ZMYM2: variants seen among roughly 807,000 people sequenced by gnomAD.
ZMYM2 encodes the protein zinc finger MYM-type containing 2, also known as zinc finger MYM-type protein 2.
Under a neutral mutation model 162.8 loss-of-function variants are expected in ZMYM2, and 56 were observed. The ratio of observed to expected loss-of-function variants is 0.34; its 90% CI spans 0.28 to 0.43. The LOEUF is 0.43. Among genes scored for constraint, ZMYM2 ranks in the 20% least tolerant of loss-of-function variants. The probability of loss-of-function intolerance (pLI) is 1.00; values close to 1 mark genes in which losing one functional copy is unlikely to be tolerated. For missense variants in ZMYM2, 1,275 were observed against 1,621.8 expected (o/e 0.79, Z 3.67); for synonymous variants, 510 against 541.6 (o/e 0.94, Z 0.81).
Position 20,052,381 on chromosome 13 carries a change from T to C in ZMYM2, c.2493+70T>C. On this transcript the variant is annotated intron_variant, in intron 14 of 24. Transcript: ENST00000610343. ...ATGGGGTAAAAAATAATTAGGCCAA[T>C]TTAATGTGATCATAATAGTAATTTT... 2.1e-6 allele frequency: 3 copies of C among 1,416,562 alleles called. No individual in the cohort carries two copies. In the African/African-American group the frequency reaches 4.4e-5, roughly 21 times the overall value. The allele number at this position is 1,416,562 out of a possible 1,614,324, so 87.7% of individuals were successfully genotyped here.
chr13:20,029,620 T>C (rs1398844788), intron 9 of ZMYM2, among the ~76,000 whole-genome samples: 1 of 152,202 alleles, frequency 6.6e-6, no homozygotes, highest in Non-Finnish European at 1.5e-5. Context: ...TTTTTCTCCT[T>C]CCGCTGTACA....
At position 20,065,180 on chromosome 13, in the gene ZMYM2, C is replaced by T. The variant is rs140889780; in HGVS notation, c.3132+635C>T. ...CAACATAAAGCAGGTTTTAAAAATA[C>T]CTTAAGAAAGATAGCTTTCACAAAT... On this transcript the variant is annotated intron_variant, in intron 19 of 24. Coordinates refer to ENST00000610343, the MANE Select transcript of ZMYM2 (RefSeq NM_197968.4). Among the ~76,000 whole-genome samples the T allele has an allele frequency of 2.3e-4, 35 of 151,960 alleles. 1 individual carries two copies. Among genetic ancestry groups the T allele is most frequent in the African/African-American group, 7.0e-4 (29 of 41,436 alleles).
chr13:19,895,094 A>AT, the ZMYM2 span, among the ~76,000 whole-genome samples: 1 of 150,972 alleles, frequency 6.6e-6, no homozygotes, highest in Non-Finnish European at 1.5e-5. Context: ...AAAAAAAAAA[A>AT]AAAGAAAATT....
At chr13:19,933,211 A>G in the ZMYM2 span, among the ~76,000 whole-genome samples, 8 of 152,178 alleles carry the variant, frequency 5.3e-5, no homozygotes, top group Non-Finnish European at 2.9e-5. Context: ...ATTGGCCTCC[A>G]AAGTGCTGGG....
the ZMYM2 span, among the ~76,000 whole-genome samples, chr13:19,908,356 T>C: frequency 6.6e-6 from 1 of 151,072 alleles, no homozygotes; most frequent in South Asian, 2.1e-4. Flanking sequence ...GGAGTCCCTC[T>C]TACTAGGGAG....
chr13:19,894,812 C>T, the ZMYM2 span, among the ~76,000 whole-genome samples: 15,571 of 151,690 alleles, frequency 0.1, 1,030 homozygotes, highest in Middle Eastern at 0.14. Context: ...AATTTTAGGA[C>T]GGACGCAGTG....
At chr13:19,945,145 G>A in the ZMYM2 span, among the ~76,000 whole-genome samples, 5 of 151,960 alleles carry the variant, frequency 3.3e-5, no homozygotes, top group African/African-American at 4.8e-5. Context: ...CAAATCAATC[G>A]TTATTTATTT....
At chr13:19,971,244 G>GTGTGTGTATATATATATATATATATATA (rs5802035) in intron 2 of ZMYM2, among the ~76,000 whole-genome samples, 5 of 50,122 alleles carry the variant, frequency 1.0e-4, no homozygotes, top group Non-Finnish European at 1.2e-4. Flanking sequence ...GTGTGTGTGT[G>GTGTGTGTATATATATATATATATATATA]TATATATATA....
intron 21 of ZMYM2, among the ~76,000 whole-genome samples, chr13:20,078,120 G>C (rs1206085198): frequency 6.6e-6 from 1 of 151,920 alleles, no homozygotes; most frequent in African/African-American, 2.4e-5. Flanking sequence ...CACCTGGCCA[G>C]TTTTAAGTAT....
the ZMYM2 span, among the ~76,000 whole-genome samples, chr13:19,930,880 C>T: frequency 4.0e-5 from 6 of 151,290 alleles, no homozygotes; most frequent in East Asian, 1.2e-3. Flanking sequence ...TGGCTCATGC[C>T]TGTAATCCCA....
intron 2 of ZMYM2, among the ~76,000 whole-genome samples, chr13:19,961,230 C>T (rs1955176706): frequency 6.6e-6 from 1 of 151,892 alleles, no homozygotes; most frequent in Admixed American, 6.6e-5. Context: ...TACGTGCCCA[C>T]ACTAGTTTTT....
chr13:19,982,719 A>T (rs1957463308), intron 2 of ZMYM2, among the ~76,000 whole-genome samples: 2 of 152,186 alleles, frequency 1.3e-5, no homozygotes, highest in Non-Finnish European at 2.9e-5. Flanking sequence ...GTTGATGAAG[A>T]TAGTTCCTAC....
chr13:19,999,189 A>G (rs893070682), intron 3 of ZMYM2, among the ~76,000 whole-genome samples: 1 of 152,222 alleles, frequency 6.6e-6, no homozygotes, highest in Non-Finnish European at 1.5e-5. Flanking sequence ...TGGATTGGTC[A>G]GTACAGGCAT....
rs531473914 is a variant in ZMYM2 at position 20,030,560 on chromosome 13, A to G, written c.1852-759A>G. ...ACTACAGGCACCTGCCACCACCCCC[A>G]GCTAATTTTTTGTATTTTTAGTAGA... is the stretch of plus-strand genomic sequence containing the variant. On this transcript the variant is annotated intron_variant, in intron 9 of 24. Coordinates refer to ENST00000610343, the MANE Select transcript of ZMYM2 (RefSeq NM_197968.4). Among the ~76,000 whole-genome samples the G allele has an allele frequency of 8.6e-5, 13 of 151,944 alleles. No homozygotes were observed. The South Asian group carries it at 1.0e-3, about 12-fold the overall frequency.
chr13:19,915,661 G>A, the ZMYM2 span, among the ~76,000 whole-genome samples: 1 of 149,524 alleles, frequency 6.7e-6, no homozygotes, highest in Non-Finnish European at 1.5e-5. Flanking sequence ...CCACCACCAC[G>A]CCCAGCTAAT....
chr13:19,864,829 G>C, the ZMYM2 span: 1 of 151,432 alleles, frequency 6.6e-6, no homozygotes, highest in Non-Finnish European at 1.5e-5. Flanking sequence ...CCACCTCCAC[G>C]AGGGGTCTTC....
intron 12 of ZMYM2, among the ~76,000 whole-genome samples, chr13:20,037,184 T>A (rs1489657363): frequency 6.6e-6 from 1 of 151,836 alleles, no homozygotes; most frequent in Non-Finnish European, 1.5e-5. Flanking sequence ...TTTTCTAAAA[T>A]TTGTTGTGTC....
chr13:20,067,315 C>T lies in ZMYM2; in HGVS notation c.3378C>T (p.Val1126=), dbSNP rs367583188. The T allele has an allele frequency of 1.2e-5, 20 of 1,606,618 alleles. No individual in the cohort carries two copies. The African/African-American group carries it at 2.5e-4, about 20-fold the overall frequency. Residue 1126 remains valine, a synonymous_variant, in exon 21 of 25, where the codon GTC becomes GTT. Transcript: ENST00000610343. ...AELNYGLAHF[V]NEIRRPNGEN... is the part of the protein sequence containing the mutation. ...TTAACTATGGGTTAGCTCATTTTGT[C>T]AATGAGATCCGACGGCCAAATGGAG...
chr13:20,023,692 A>G (rs1236013075), intron 7 of ZMYM2, among the ~76,000 whole-genome samples: 3 of 152,224 alleles, frequency 2.0e-5, no homozygotes, highest in Non-Finnish European at 4.4e-5. Flanking sequence ...TTTATTCCAC[A>G]AAACTTTACA....
Sources: allele counts gnomAD v4.1 joint callset (sites outside exome capture counted in the v4.1 genomes callset), GRCh38; gene constraint gnomAD v4.1.1; transcripts MANE v1.5; gene names NCBI Gene and HGNC (gene_info 2026-07-23, HGNC 2026-07-21).